RPIA: variants seen among roughly 807,000 people sequenced by gnomAD.
RPIA encodes the protein ribose 5-phosphate isomerase A.
Under a neutral mutation model 37.8 loss-of-function variants are expected in RPIA, and 29 were observed. The observed-to-expected ratio is 0.77, with a 90% CI of 0.57 to 1.05. The LOEUF (loss-of-function observed/expected upper bound fraction) is 1.05, where lower values mean the gene tolerates loss of function less well. RPIA is among the 50% of genes least tolerant of loss of function. The probability of loss-of-function intolerance (pLI) is 0.00; values close to 1 mark genes in which losing one functional copy is unlikely to be tolerated. For synonymous variants in RPIA, 167 were observed against 157.0 expected, an observed-to-expected ratio of 1.06 and a Z score of -0.48; for missense variants, 385 against 413.6, an observed-to-expected ratio of 0.93 and a Z score of 0.60.
chr2:88,694,703 C>T (rs1299185557), intron 1 of RPIA, among the ~76,000 whole-genome samples: 1 of 152,098 alleles, frequency 6.6e-6, no homozygotes, highest in East Asian at 1.9e-4. Context: ...TTTCTCTCCC[C>T]AATGCTTTTC....
intron 8 of RPIA, among the ~76,000 whole-genome samples, chr2:88,748,508 A>G (rs961001706): frequency 1.3e-5 from 2 of 152,190 alleles, no homozygotes; most frequent in African/African-American, 2.4e-5. Context: ...CAGTGTGTGC[A>G]GGTATCTGTT....
chr2:88,738,156 C>T (rs992683861), intron 8 of RPIA, 80 bp downstream of exon 8: 80 of 999,152 alleles, frequency 8.0e-5, no homozygotes, highest in Non-Finnish European at 1.2e-4. Flanking sequence ...ACAGAAGGCA[C>T]AATGGACATG....
chr2:88,723,356 T>C (rs937782012), intron 3 of RPIA, among the ~76,000 whole-genome samples: 1 of 152,200 alleles, frequency 6.6e-6, no homozygotes, highest in Non-Finnish European at 1.5e-5. Context: ...TATTCCCTGC[T>C]GGGAGTGAGC....
intron 3 of RPIA, among the ~76,000 whole-genome samples, chr2:88,727,692 T>C (rs886504308): frequency 6.6e-6 from 1 of 152,236 alleles, no homozygotes; most frequent in Non-Finnish European, 1.5e-5. Flanking sequence ...GCTCCATCCA[T>C]GTTCCTGAAA....
intron 1 of RPIA, among the ~76,000 whole-genome samples, 200 bp from the exon 2 acceptor site, chr2:88,698,284 C>T (rs531002113): frequency 6.6e-6 from 1 of 152,126 alleles, no homozygotes; most frequent in Admixed American, 6.5e-5. Context: ...CCTTGTTGAA[C>T]ATTTGTCCAC....
rs1553420298 is a variant in RPIA, at chr2:88,714,163, T to TTTG, written c.402+14101_402+14102insGTT. Among the ~76,000 whole-genome samples the TTTG allele has an allele frequency of 3.7e-3, 560 of 151,662 alleles. 2 individuals carry two copies. The highest frequency in any genetic ancestry group is 0.012 in the African/African-American group (493 of 41,230). On this transcript the variant is annotated intron_variant, in intron 3 of 8. Coordinates refer to ENST00000283646, the MANE Select transcript of RPIA (RefSeq NM_144563.3). ...TTTTCTATCTGCTCATTTTTTGTTT[T>TTTG]TTTGTTTGTTTGTTTGTTTGTTTTT...
chr2:88,692,512 T>C (rs892962449), intron 1 of RPIA, among the ~76,000 whole-genome samples: 4 of 152,168 alleles, frequency 2.6e-5, no homozygotes, highest in African/African-American at 4.8e-5. Flanking sequence ...CTTCTTTCCA[T>C]AGGGCTGGGT....
chr2:88,693,255 T>C (rs1198314495), intron 1 of RPIA, among the ~76,000 whole-genome samples: 1 of 152,170 alleles, frequency 6.6e-6, no homozygotes, highest in East Asian at 1.9e-4. Flanking sequence ...TGGTGGCGCA[T>C]CTCCCTGACC....
At chr2:88,694,051 A>G (rs775722811) in intron 1 of RPIA, among the ~76,000 whole-genome samples, 10 of 152,338 alleles carry the variant, frequency 6.6e-5, no homozygotes, top group Admixed American at 3.3e-4. Context: ...AGTATTTCCA[A>G]AGTTACTCCA....
At chr2:88,736,159 T>C (rs984412850) in intron 6 of RPIA, among the ~76,000 whole-genome samples, 2 of 152,200 alleles carry the variant, frequency 1.3e-5, no homozygotes, top group African/African-American at 4.8e-5. Flanking sequence ...CTGGTGTCAT[T>C]GATAGTCTTT....
At chr2:88,694,767 G>A (rs979080550) in intron 1 of RPIA, among the ~76,000 whole-genome samples, 4 of 152,004 alleles carry the variant, frequency 2.6e-5, no homozygotes, top group African/African-American at 7.3e-5. Flanking sequence ...CTGTTTGTAC[G>A]TCATAAGATC....
chr2:88,692,159 A>T (rs1676944942), intron 1 of RPIA, among the ~76,000 whole-genome samples, 176 bp downstream of exon 1: 1 of 151,924 alleles, frequency 6.6e-6, no homozygotes, highest in African/African-American at 2.4e-5. Flanking sequence ...CTCCTTAAAG[A>T]CCTTTTAGAT....
intron 3 of RPIA, among the ~76,000 whole-genome samples, chr2:88,709,571 A>G (rs936444751): frequency 2.0e-5 from 3 of 152,232 alleles, no homozygotes; most frequent in Non-Finnish European, 4.4e-5. Flanking sequence ...AGCTGATAGA[A>G]ATGTTGTAAT....
At chr2:88,728,446 CTTTTTGTT>C (rs1374752471) in intron 3 of RPIA, among the ~76,000 whole-genome samples, 3 of 152,132 alleles carry the variant, frequency 2.0e-5, no homozygotes, top group African/African-American at 4.8e-5. Flanking sequence ...ATCTCAGGTG[CTTTTTGTT>C]TTTAGCAGAA....
intron 3 of RPIA, among the ~76,000 whole-genome samples, chr2:88,728,953 T>C (rs1354893636): frequency 6.6e-6 from 1 of 152,236 alleles, no homozygotes; most frequent in Non-Finnish European, 1.5e-5. Flanking sequence ...GGTTCTATGT[T>C]AGGAATTTTT....
At chr2:88,709,096 G>A (rs553831513) in intron 3 of RPIA, among the ~76,000 whole-genome samples, 4 of 152,282 alleles carry the variant, frequency 2.6e-5, no homozygotes, top group South Asian at 2.1e-4. Context: ...TTGTTCCACC[G>A]ATCCAGAAGA....
At position 88,691,675 on chromosome 2, in the gene RPIA, C is replaced by G; in HGVS notation, c.-24C>G. ...GGGGGAGCCGGGGGCGGGACTTCAGCGGAGGCCGGAGCGAGGCGTCGGGAT... is the reference window on the plus strand; with the variant it reads ...GGGGGAGCCGGGGGCGGGACTTCAGGGGAGGCCGGAGCGAGGCGTCGGGAT... On this transcript the variant is annotated 5_prime_UTR_variant, in exon 1 of 9. Transcript: ENST00000283646. The G allele has an allele frequency of 6.4e-7, 1 of 1,568,682 alleles. No homozygotes were observed.
chr2:88,704,381 G>T (rs1672873742), intron 3 of RPIA, among the ~76,000 whole-genome samples: 1 of 152,230 alleles, frequency 6.6e-6, no homozygotes, highest in Non-Finnish European at 1.5e-5. Flanking sequence ...ATGGCGGAAG[G>T]CAGGGAGGAG....
At chr2:88,717,231 TGA>T (rs909898438) in intron 3 of RPIA, among the ~76,000 whole-genome samples, 5 of 152,202 alleles carry the variant, frequency 3.3e-5, no homozygotes, top group Non-Finnish European at 7.3e-5. Flanking sequence ...CCCCAAAATG[TGA>T]GATAGGTCCC....
Sources: gnomAD v4.1 joint callset for allele counts (sites outside exome capture counted in the v4.1 genomes callset) on GRCh38, gnomAD v4.1.1 for gene constraint, MANE v1.5 for transcripts, NCBI Gene and HGNC (gene_info 2026-07-23, HGNC 2026-07-21) for gene names.